The following RANBP9 variants were observed in gnomAD, a reference collection of about 807,000 sequenced individuals.
RANBP9 encodes ran-binding protein 9.
A neutral mutation model predicts 84.3 loss-of-function variants in RANBP9; 15 were observed. That is an observed-to-expected ratio of 0.18 (90% CI 0.12 to 0.27). RANBP9 has a LOEUF of 0.27. Among genes scored for constraint, RANBP9 ranks in the 10% least tolerant of loss-of-function variants. RANBP9 has a pLI of 1.00. For synonymous variants in RANBP9, 392 were observed against 349.6 expected, an observed-to-expected ratio of 1.12 and a Z score of -1.35; for missense variants, 809 against 912.8, an observed-to-expected ratio of 0.89 and a Z score of 1.46.
intron 9 of RANBP9, among the ~76,000 whole-genome samples, chr6:13,638,519 A>G (rs1160940246): frequency 1.3e-5 from 2 of 152,082 alleles, no homozygotes; most frequent in African/African-American, 4.8e-5. Flanking sequence ...GGGCAAACAG[A>G]AGACTGAGAA....
intron 2 of RANBP9, among the ~76,000 whole-genome samples, chr6:13,680,156 A>G (rs891631745): frequency 3.9e-5 from 6 of 152,172 alleles, no homozygotes; most frequent in African/African-American, 1.4e-4. Context: ...AAAACAAAAT[A>G]ATAGAAGAAG....
In RANBP9 at chr6:13,622,112, A is replaced by G. The variant is rs931423747; in HGVS notation, c.*250T>C. 5.1e-5 allele frequency: 14 copies of G among 273,166 alleles called. No individual in the cohort carries two copies. The highest frequency in any genetic ancestry group is 2.4e-4 in the African/African-American group (11 of 45,256). The allele number at this position is 273,166 out of a possible 1,614,324, so 16.9% of individuals were successfully genotyped here. On this transcript the variant is annotated 3_prime_UTR_variant, in exon 14 of 14. Coordinates refer to ENST00000011619, the MANE Select transcript of RANBP9 (RefSeq NM_005493.3). Reference sequence around the variant, plus strand: ...TGTTTTAAAGGATTTGTGATGATCAATTTGAACGTCTGAAATTCAGTAATA... The same window carrying G: ...TGTTTTAAAGGATTTGTGATGATCAGTTTGAACGTCTGAAATTCAGTAATA...
At chr6:13,623,554 T>C (rs1450427044) in intron 13 of RANBP9, among the ~76,000 whole-genome samples, 1 of 152,232 alleles carries the variant, frequency 6.6e-6, no homozygotes, top group Non-Finnish European at 1.5e-5. Context: ...GTGTGGTGTC[T>C]TGAGGGTTCA....
In RANBP9 at chr6:13,671,173, G is replaced by C. The variant is rs1765771464; in HGVS notation, c.684-12341C>G. ...GAATCAAGAAGATATGTGTTGACAA[G>C]AATGTGGAGAAACTGCAACTATCAT... On this transcript the variant is annotated intron_variant, in intron 2 of 13. Transcript: ENST00000011619. 3.3e-5 allele frequency among the ~76,000 whole-genome samples: 5 copies of C among 152,244 alleles called. No homozygotes were observed. In the South Asian group the frequency reaches 1.0e-3, roughly 32 times the overall value.
At chr6:13,656,453 A>C (rs896494321) in intron 4 of RANBP9, among the ~76,000 whole-genome samples, 4 of 152,176 alleles carry the variant, frequency 2.6e-5, no homozygotes, top group African/African-American at 7.2e-5. Flanking sequence ...TATAACTTTA[A>C]ATTTGAAGTG....
At chr6:13,658,331 G>A (rs919326542) in intron 3 of RANBP9, among the ~76,000 whole-genome samples, 3 of 152,208 alleles carry the variant, frequency 2.0e-5, no homozygotes, top group East Asian at 1.9e-4. Context: ...TCAGCAGGCT[G>A]GGCATGGTGG....
intron 2 of RANBP9, among the ~76,000 whole-genome samples, chr6:13,672,334 C>T (rs1765795305): frequency 6.6e-6 from 1 of 152,106 alleles, no homozygotes; most frequent in Admixed American, 6.5e-5. Flanking sequence ...CAGATTTCAT[C>T]ATATGATTAT....
At chr6:13,643,804 TA>T (rs1765121536) in intron 6 of RANBP9, among the ~76,000 whole-genome samples, 1 of 152,126 alleles carries the variant, frequency 6.6e-6, no homozygotes, top group African/African-American at 2.4e-5. Context: ...ACAAAAAAAC[TA>T]GTGTCCAATC....
At chr6:13,662,329 G>C (rs944814216) in intron 2 of RANBP9, among the ~76,000 whole-genome samples, 4 of 152,136 alleles carry the variant, frequency 2.6e-5, no homozygotes, top group Non-Finnish European at 4.4e-5. Context: ...GTGAGAATTA[G>C]CAGACAAAAA....
rs1584937413 is a variant in RANBP9 at position 13,677,228 on chromosome 6, T to TAA, written c.684-18398_684-18397dup. Among the ~76,000 whole-genome samples, 3 of 152,220 alleles carry TAA rather than the reference T, an allele frequency of 2.0e-5. No homozygotes were observed. The East Asian group carries it at 5.8e-4, about 29-fold the overall frequency. On this transcript the variant is annotated intron_variant, in intron 2 of 13. Transcript: ENST00000011619. ...ACGCACCAGCAATGAACTGGAATTT[T>TAA]AAACACACAATACCACTTATATTAG...
chr6:13,706,555 T>G (rs893637877), intron 1 of RANBP9, among the ~76,000 whole-genome samples: 1 of 150,258 alleles, frequency 6.7e-6, no homozygotes, highest in African/African-American at 2.5e-5. Context: ...TAGCCAGGCG[T>G]GGTGGCGCAT....
chr6:13,649,437 G>C, intron 5 of RANBP9, among the ~76,000 whole-genome samples: 1 of 138,714 alleles, frequency 7.2e-6, no homozygotes, highest in Admixed American at 7.5e-5. Context: ...AGCTCACGCT[G>C]ACTAGTTGCT....
chr6:13,693,954 A>T (rs1274998318), intron 2 of RANBP9, among the ~76,000 whole-genome samples: 1 of 152,110 alleles, frequency 6.6e-6, no homozygotes, highest in Non-Finnish European at 1.5e-5. Flanking sequence ...GAGGCAGGAG[A>T]ATTGCTTGAA....
intron 2 of RANBP9, among the ~76,000 whole-genome samples, chr6:13,665,476 A>C (rs1400657644): frequency 6.6e-6 from 1 of 152,224 alleles, no homozygotes; most frequent in Non-Finnish European, 1.5e-5. Flanking sequence ...AAAATTTATA[A>C]AACCAACAAG....
At chr6:13,631,037 T>G (rs577509588) in intron 12 of RANBP9, among the ~76,000 whole-genome samples, 2 of 152,150 alleles carry the variant, frequency 1.3e-5, no homozygotes, top group Admixed American at 1.3e-4. Flanking sequence ...CTCAATCTCT[T>G]GAACTCATGA....
chr6:13,685,080 C>T (rs1004607554), intron 2 of RANBP9, among the ~76,000 whole-genome samples: 16 of 152,136 alleles, frequency 1.1e-4, no homozygotes, highest in African/African-American at 3.9e-4. Flanking sequence ...ATAATTTTTC[C>T]GGAGAGTAAT....
intron 2 of RANBP9, among the ~76,000 whole-genome samples, chr6:13,677,734 A>T (rs745990921): frequency 6.6e-6 from 1 of 152,188 alleles, no homozygotes; most frequent in Non-Finnish European, 1.5e-5. Flanking sequence ...AACATCTTTC[A>T]ACCATCATAA....
intron 12 of RANBP9, among the ~76,000 whole-genome samples, chr6:13,630,314 C>G (rs1010831949): frequency 6.6e-6 from 1 of 152,140 alleles, no homozygotes; most frequent in Non-Finnish European, 1.5e-5. Context: ...TCACACAATT[C>G]AGTATATAAC....
intron 2 of RANBP9, among the ~76,000 whole-genome samples, chr6:13,671,619 T>C (rs1480736025): frequency 1.3e-5 from 2 of 152,134 alleles, no homozygotes; most frequent in African/African-American, 4.8e-5. Flanking sequence ...AAATAGTTAG[T>C]TGCTGCCTGG....
Sources: gnomAD v4.1 joint callset for allele counts (sites outside exome capture counted in the v4.1 genomes callset) on GRCh38, gnomAD v4.1.1 for gene constraint, MANE v1.5 for transcripts, NCBI Gene and HGNC (gene_info 2026-07-23, HGNC 2026-07-21) for gene names.